FRMPD2: variants seen among roughly 807,000 people sequenced by gnomAD.
The protein encoded by FRMPD2 is FERM and PDZ domain containing 2, also known as FERM and PDZ domain-containing protein 2.
A neutral mutation model predicts 140.1 loss-of-function variants in FRMPD2; 96 were observed. The observed-to-expected ratio is 0.69, with a 90% CI of 0.58 to 0.81. FRMPD2 has a LOEUF of 0.81. Among genes scored for constraint, FRMPD2 ranks in the 40% least tolerant of loss-of-function variants. FRMPD2 has a pLI of 0.00. For missense variants in FRMPD2, 1,240 were observed against 1,447.4 expected (o/e 0.86, Z 2.32); for synonymous variants, 449 against 547.6 (o/e 0.82, Z 2.52).
intron 12 of FRMPD2, among the ~76,000 whole-genome samples, chr10:48,217,030 C>T (rs1588835695): frequency 6.6e-6 from 1 of 152,314 alleles, no homozygotes; most frequent in Non-Finnish European, 1.5e-5. Flanking sequence ...GACACTGCCT[C>T]CCTGGGGCAG....
chr10:48,235,623 G>A (rs1304431670), intron 9 of FRMPD2, among the ~76,000 whole-genome samples: 1 of 152,216 alleles, frequency 6.6e-6, no homozygotes, highest in Non-Finnish European at 1.5e-5. Flanking sequence ...CTCAAGCCCT[G>A]CCTCCAAGAG....
chr10:48,238,666 G>T (rs895898748), intron 7 of FRMPD2, among the ~76,000 whole-genome samples: 1 of 152,196 alleles, frequency 6.6e-6, no homozygotes, highest in Non-Finnish European at 1.5e-5. Flanking sequence ...GCCCTCAACA[G>T]GTCACCATGT....
rs144425229 is a variant in FRMPD2 at position 48,249,156 on chromosome 10, G to A, written c.174C>T (p.Cys58=). The change falls in exon 3 of 29, where the codon TGC becomes TGT. Residue 58 remains cysteine (C), a synonymous_variant. Coordinates refer to ENST00000374201, the MANE Select transcript of FRMPD2 (RefSeq NM_001018071.4). ...CTGCAGAAAGCAGGGCTGACCAGGG[G>A]CAAACCACATAGTCCGAGGAATCTG... ...LRNDSSDYVV[C]PWSALLSAAG... 698 of 1,613,942 alleles carry A rather than the reference G, an allele frequency of 4.3e-4. 3 individuals are homozygous for A. The highest frequency in any genetic ancestry group is 5.0e-4 in the Non-Finnish European group (590 of 1,179,984).
At position 48,246,468 on chromosome 10, in the gene FRMPD2, G is replaced by C. The variant is rs77076164; in HGVS notation, c.310-1619C>G. On this transcript the variant is annotated intron_variant, in intron 3 of 28. Transcript: ENST00000374201. Reference sequence around the variant, plus strand: ...GAGGCTGGTGAGAAGGATTTTGAAGGCAACTCCTGGCTCAGTGGGAAAGAA... The same window carrying C: ...GAGGCTGGTGAGAAGGATTTTGAAGCCAACTCCTGGCTCAGTGGGAAAGAA... 7.1e-4 allele frequency among the ~76,000 whole-genome samples: 108 copies of C among 152,374 alleles called. 1 individual carries two copies. In the East Asian group the frequency reaches 0.02, roughly 29 times the overall value.
At chr10:48,216,843 C>A (rs1331727123) in intron 12 of FRMPD2, among the ~76,000 whole-genome samples, 1 of 152,240 alleles carries the variant, frequency 6.6e-6, no homozygotes, top group Admixed American at 6.5e-5. Context: ...CTGGGACACT[C>A]CTGGCTTAGA....
chr10:48,256,703 A>G (rs1336793700), intron 1 of FRMPD2, among the ~76,000 whole-genome samples: 2 of 152,198 alleles, frequency 1.3e-5, no homozygotes, highest in African/African-American at 4.8e-5. Flanking sequence ...AGGGAAGCAG[A>G]GGAGGCCTTG....
At chr10:48,185,441 G>A in intron 18 of FRMPD2, 112 bp downstream of exon 18, 2 of 743,692 alleles carry the variant, frequency 2.7e-6, no homozygotes, top group Admixed American at 1.9e-5. Flanking sequence ...AGGCAGACTG[G>A]GAGAGGAGGG....
chr10:48,235,098 G>T lies in FRMPD2; in HGVS notation c.993+1384C>A, dbSNP rs763299096. Among the ~76,000 whole-genome samples the T allele has an allele frequency of 9.9e-5, 15 of 152,272 alleles. No individual in the cohort carries two copies. The South Asian group carries it at 1.0e-3, about 11-fold the overall frequency. On this transcript the variant is annotated intron_variant, in intron 9 of 28. Transcript: ENST00000374201. ...TGAGGAGGCCATGGCCCTCTGACTT[G>T]CAAGCCCCATACAGGAAGTGTCCTC...
intron 16 of FRMPD2, among the ~76,000 whole-genome samples, chr10:48,192,311 G>A (rs1172266189): frequency 6.6e-6 from 1 of 152,118 alleles, no homozygotes; most frequent in Non-Finnish European, 1.5e-5. Context: ...GCCAGGCTTG[G>A]TGGCTCATGC....
chr10:48,269,849 G>A (rs1415462796), intron 1 of FRMPD2, among the ~76,000 whole-genome samples: 1 of 152,104 alleles, frequency 6.6e-6, no homozygotes, highest in Admixed American at 6.5e-5. Context: ...AAGGTGTGAG[G>A]GTGAAGGCTT....
chr10:48,251,242 T>C (rs1840374435), intron 2 of FRMPD2, among the ~76,000 whole-genome samples: 1 of 152,228 alleles, frequency 6.6e-6, no homozygotes, highest in African/African-American at 2.4e-5. Flanking sequence ...CCCATAGCAC[T>C]GCAGCCACTC....
intron 22 of FRMPD2, 46 bp downstream of exon 22, chr10:48,178,001 C>T (rs1210600535): frequency 1.3e-5 from 12 of 899,022 alleles, no homozygotes; most frequent in South Asian, 4.2e-5. Context: ...AGGTTCTAGA[C>T]GGACATCTTG....
intron 14 of FRMPD2, 143 bp from the exon 15 acceptor site, chr10:48,201,527 G>T: frequency 5.0e-6 from 3 of 599,798 alleles, no homozygotes; most frequent in African/African-American, 1.9e-5. Flanking sequence ...GTCTGACTAT[G>T]GCCTGATATT....
At chr10:48,259,657 TGA>T (rs1466658855) in intron 1 of FRMPD2, among the ~76,000 whole-genome samples, 95 of 148,998 alleles carry the variant, frequency 6.4e-4, no homozygotes, top group Middle Eastern at 3.4e-3. Context: ...TGTGTGTGTG[TGA>T]GTATACACAC....
At chr10:48,195,499 C>A (rs114760705) in intron 15 of FRMPD2, among the ~76,000 whole-genome samples, 2 of 152,144 alleles carry the variant, frequency 1.3e-5, no homozygotes, top group Admixed American at 6.5e-5. Flanking sequence ...AAGATAAACA[C>A]GATGATATTT....
chr10:48,238,855 G>C (rs921521583), intron 7 of FRMPD2, among the ~76,000 whole-genome samples: 1 of 152,252 alleles, frequency 6.6e-6, no homozygotes, highest in African/African-American at 2.4e-5. Context: ...CTGCCATCAA[G>C]AGATGGAGTC....
intron 9 of FRMPD2, among the ~76,000 whole-genome samples, chr10:48,236,118 CT>C (rs1302106664): frequency 6.8e-6 from 1 of 147,368 alleles, no homozygotes; most frequent in East Asian, 2.0e-4. Context: ...ATATTTATGT[CT>C]TTGTCTGTCT....
intron 22 of FRMPD2, 54 bp from the exon 23 acceptor site, chr10:48,175,993 C>T: frequency 4.3e-6 from 5 of 1,155,562 alleles, no homozygotes; most frequent in Non-Finnish European, 6.5e-6. Context: ...CAGGAAGCCT[C>T]CCCAACCTCC....
chr10:48,268,820 A>G (rs1036064261), intron 1 of FRMPD2, among the ~76,000 whole-genome samples: 4 of 152,218 alleles, frequency 2.6e-5, no homozygotes, highest in African/African-American at 4.8e-5. Flanking sequence ...TACTTTACAC[A>G]CATATTGTAC....
Sources: allele counts gnomAD v4.1 joint callset (sites outside exome capture counted in the v4.1 genomes callset), GRCh38; gene constraint gnomAD v4.1.1; transcripts MANE v1.5; gene names NCBI Gene and HGNC (gene_info 2026-07-23, HGNC 2026-07-21).